ZNF280C: variants seen among roughly 807,000 people sequenced by gnomAD.
ZNF280C encodes suppressor of hairy wing homolog 3.
A neutral mutation model predicts 53.6 loss-of-function variants in ZNF280C; 14 were observed. The observed-to-expected ratio is 0.26, with a 90% CI of 0.17 to 0.41. The LOEUF is 0.41. ZNF280C is among the 10% of genes least tolerant of loss of function. The pLI, the probability that ZNF280C is intolerant of heterozygous loss-of-function variation, is 1.00. For missense variants in ZNF280C, 416 were observed against 547.1 expected (o/e 0.76, Z 2.39); for synonymous variants, 203 against 181.1 (o/e 1.12, Z -0.97).
chrX:130,243,510 T>A, intron 5 of ZNF280C, 53 bp downstream of exon 5: 1 of 1,150,841 alleles, frequency 8.7e-7, no homozygotes, highest in Non-Finnish European at 1.2e-6. Context: ...TAACTCAGTA[T>A]TATAATAGCC....
chrX:130,248,575 G>C (rs899463543), intron 2 of ZNF280C, among the ~76,000 whole-genome samples: 3 of 111,477 alleles, frequency 2.7e-5, no homozygotes, highest in African/African-American at 9.8e-5. Context: ...AGCACTAGGG[G>C]AACTGTCAGA....
At chrX:130,217,847 G>T (rs916476651) in intron 13 of ZNF280C, among the ~76,000 whole-genome samples, 12 of 112,154 alleles carry the variant, frequency 1.1e-4, no homozygotes, top group Non-Finnish European at 2.3e-4. Context: ...TATCAAAAGA[G>T]CACATTCCAT....
At chrX:130,259,728 C>A (rs1603246598) in intron 2 of ZNF280C, among the ~76,000 whole-genome samples, 1 of 112,215 alleles carries the variant, frequency 8.9e-6, no homozygotes, top group African/African-American at 3.2e-5. Context: ...CACAGTGGCT[C>A]ACGCCTGTAA....
intron 13 of ZNF280C, among the ~76,000 whole-genome samples, chrX:130,217,747 TTTAC>T (rs1009038497): frequency 8.8e-6 from 1 of 113,038 alleles, no homozygotes; most frequent in African/African-American, 3.2e-5. Context: ...TATCTTGATA[TTTAC>T]TTACTGTTGT....
In ZNF280C at chrX:130,209,713, G is replaced by A. The variant is rs767966030; in HGVS notation, c.1982C>T (p.Ser661Phe). Residue 661 changes from serine to phenylalanine, a missense_variant and splice_region_variant, in exon 16 of 19, where the codon TCT becomes TTT. By Grantham distance (155) the Ser-to-Phe change is radical. Coordinates refer to ENST00000370978, the MANE Select transcript of ZNF280C (RefSeq NM_017666.5). ...CCGTTTACCTGGATGGTTGCTATGA[G>A]AGCTGGAGAAACACGAGACAAACAA... is the stretch of plus-strand genomic sequence containing the variant. ...NKAFVNHMMS[S>F]HSNHPGKRFC... is the part of the protein sequence containing the mutation. 1.7e-6 allele frequency: 2 copies of A among 1,198,094 alleles called. No individual in the cohort carries two copies. The highest frequency in any genetic ancestry group is 6.0e-5 in the East Asian group (2 of 33,574).
At chrX:130,252,250 A>C (rs2032521522) in intron 2 of ZNF280C, among the ~76,000 whole-genome samples, 1 of 112,295 alleles carries the variant, frequency 8.9e-6, no homozygotes, top group African/African-American at 3.2e-5. Flanking sequence ...GCACATCAAA[A>C]AGCTTATCTA....
chrX:130,255,954 T>TCAAA (rs771824866), intron 2 of ZNF280C, among the ~76,000 whole-genome samples: 2 of 110,278 alleles, frequency 1.8e-5, no homozygotes, highest in Non-Finnish European at 3.8e-5. Context: ...AGAGTCTCAC[T>TCAAA]CAAACAAACA....
At chrX:130,235,983 G>A (rs2032327697) in intron 8 of ZNF280C, among the ~76,000 whole-genome samples, 1 of 111,371 alleles carries the variant, frequency 9.0e-6, no homozygotes, top group African/African-American at 3.3e-5. Flanking sequence ...TAACATAATG[G>A]CTTCCAGTTC....
At position 130,220,410 on chromosome X, in the gene ZNF280C, T is replaced by G. The variant is rs776545716; in HGVS notation, c.1466A>C (p.Lys489Thr). 1 of 1,204,170 alleles carries G rather than the reference T, an allele frequency of 8.3e-7. No individual in the cohort carries two copies. The highest frequency in any genetic ancestry group is 1.1e-6 in the Non-Finnish European group (1 of 891,875). Residue 489 changes from lysine to threonine, a missense_variant, in exon 13 of 19, where the codon AAG (lysine) becomes ACG (threonine). Around this residue, in one of 3 missense-constraint regions of ZNF280C, gnomAD observed 72 missense variants for 168.8 expected, o/e 0.43. Transcript: ENST00000370978. ...FLTSKEKAEH[K>T]AQHRTFIKPK... is the part of the protein sequence containing the mutation. ...CTTTATAAATGTACGATGCTGCGCC[T>G]TATGTTCAGCTTTCTCCTTGCTGGT...
chrX:130,240,069 T>C (rs2032373646), intron 5 of ZNF280C, among the ~76,000 whole-genome samples: 1 of 111,703 alleles, frequency 9.0e-6, no homozygotes, highest in Admixed American at 9.6e-5. Context: ...ACTCAATTTC[T>C]AAGAATCTAT....
chrX:130,225,513 CTA>C (rs1432385706), intron 12 of ZNF280C, among the ~76,000 whole-genome samples: 2 of 111,322 alleles, frequency 1.8e-5, no homozygotes, highest in East Asian at 5.6e-4. Context: ...AAAAACACCT[CTA>C]TGAATTTTGT....
chrX:130,224,899 T>C (rs2032204380), intron 12 of ZNF280C, among the ~76,000 whole-genome samples: 1 of 111,953 alleles, frequency 8.9e-6, no homozygotes, highest in Non-Finnish European at 1.9e-5. Flanking sequence ...TCCAGGCATG[T>C]AAACCACTCT....
intron 1 of ZNF280C, among the ~76,000 whole-genome samples, chrX:130,261,293 C>T (rs764245168): frequency 4.5e-5 from 5 of 112,020 alleles, no homozygotes; most frequent in Non-Finnish European, 7.5e-5. Flanking sequence ...CCTGAGTTCT[C>T]GTGCACTGAA....
In ZNF280C at chrX:130,204,753, A is replaced by C; in HGVS notation, c.*224T>G. On this transcript the variant is annotated 3_prime_UTR_variant, in exon 19 of 19. Transcript: ENST00000370978. ...ACAAAAGGCATTTTTGGAGAGAGCC[A>C]ACTGGAGAAAAAAATATGTTAAGAT... 3.3e-6 allele frequency: 1 copy of C among 299,077 alleles called. No homozygotes were observed. The highest frequency in any genetic ancestry group is 5.9e-6 in the Non-Finnish European group (1 of 170,664). The allele number at this position is 299,077 out of a possible 1,213,427, so 24.6% of individuals were successfully genotyped here. A position where few individuals can be genotyped will look rare whatever the true frequency, so the allele number is the denominator to read the frequency against.
chrX:130,227,418 C>T (rs2032231561), intron 11 of ZNF280C, among the ~76,000 whole-genome samples: 3 of 111,455 alleles, frequency 2.7e-5, no homozygotes, highest in African/African-American at 9.8e-5. Flanking sequence ...TGATAACCCA[C>T]ACATTTGTCT....
At chrX:130,239,106 C>T (rs1411768244) in intron 6 of ZNF280C, among the ~76,000 whole-genome samples, 1 of 111,418 alleles carries the variant, frequency 9.0e-6, no homozygotes, top group Non-Finnish European at 1.9e-5. Context: ...TTCTTTAGTT[C>T]GTTCATTTTA....
intron 3 of ZNF280C, among the ~76,000 whole-genome samples, chrX:130,244,881 A>T (rs746258282): frequency 9.0e-6 from 1 of 111,198 alleles, no homozygotes; most frequent in East Asian, 2.8e-4. Context: ...CTGATCATAG[A>T]AATGCAGTAC....
At chrX:130,245,962 T>C (rs1484005730) in intron 3 of ZNF280C, among the ~76,000 whole-genome samples, 1 of 110,547 alleles carries the variant, frequency 9.0e-6, no homozygotes, top group African/African-American at 3.3e-5. Context: ...TTTTTTAATC[T>C]TTATAGTAGA....
At chrX:130,245,796 C>A (rs115089789) in intron 3 of ZNF280C, among the ~76,000 whole-genome samples, 1 of 90,727 alleles carries the variant, frequency 1.1e-5, no homozygotes, top group African/African-American at 4.3e-5. Flanking sequence ...TTTTTTTTTT[C>A]TTTTTTTGAG....
Sources: gnomAD v4.1 joint callset for allele counts (sites outside exome capture counted in the v4.1 genomes callset) on GRCh38, gnomAD v4.1.1 for gene constraint, gnomAD v4.1.1 regional missense constraint, MANE v1.5 for transcripts, NCBI Gene and HGNC (gene_info 2026-07-23, HGNC 2026-07-21) for gene names.